The following DPP10 variants were observed in gnomAD, a reference collection of about 807,000 sequenced individuals.
DPP10 encodes inactive dipeptidyl peptidase 10.
A neutral mutation model predicts 120.9 loss-of-function variants in DPP10; 33 were observed. That is an observed-to-expected ratio of 0.27 (90% CI 0.21 to 0.37). The LOEUF (loss-of-function observed/expected upper bound fraction) is 0.37, where lower values mean the gene tolerates loss of function less well. Ranked by LOEUF, DPP10 falls within the 10% of genes least tolerant of loss-of-function variation. DPP10 has a pLI of 1.00. For missense variants in DPP10, 816 were observed against 942.8 expected (o/e 0.87, Z 1.76); for synonymous variants, 337 against 326.1 (o/e 1.03, Z -0.36).
intron 1 of DPP10, among the ~76,000 whole-genome samples, chr2:114,965,978 AAAAAAAAAAG>A (rs1698997610): frequency 5.3e-4 from 79 of 148,956 alleles, no homozygotes; most frequent in African/African-American, 1.8e-3. Context: ...AAAAAAAAAA[AAAAAAAAAAG>A]AAAAAAAAAG....
chr2:115,421,074 G>A (rs1169366246), intron 3 of DPP10, among the ~76,000 whole-genome samples: 2 of 151,748 alleles, frequency 1.3e-5, no homozygotes, highest in East Asian at 3.9e-4. Flanking sequence ...ACCCTGTAGT[G>A]TAGTGGCCCT....
intron 5 of DPP10, among the ~76,000 whole-genome samples, chr2:115,596,131 A>G (rs2082973237): frequency 2.0e-5 from 3 of 152,204 alleles, no homozygotes; most frequent in African/African-American, 7.2e-5. Flanking sequence ...CTAGAATCTA[A>G]TAGTTGTAAA....
intron 19 of DPP10, among the ~76,000 whole-genome samples, chr2:115,798,651 A>T (rs2149953887): frequency 6.6e-6 from 1 of 152,200 alleles, no homozygotes; most frequent in Non-Finnish European, 1.5e-5. Flanking sequence ...CCCTACTAAA[A>T]ATTACAGGGC....
chr2:114,829,765 T>C (rs1020374930), intron 1 of DPP10, among the ~76,000 whole-genome samples: 1 of 152,166 alleles, frequency 6.6e-6, no homozygotes, highest in African/African-American at 2.4e-5. Flanking sequence ...CCATTATTAC[T>C]ATTTTTTCAA....
In DPP10 at chr2:115,034,091, T is replaced by G. The variant is rs140493665; in HGVS notation, c.61-275148T>G. On this transcript the variant is annotated intron_variant, in intron 1 of 25. Coordinates refer to ENST00000410059, the MANE Select transcript of DPP10 (RefSeq NM_020868.6). ...TTTTGTATTTTAATAGAGACGGGGT[T>G]TCACCATGTTGGCCAGGATGGTCTT... Among the ~76,000 whole-genome samples, 638 of 151,700 alleles carry G rather than the reference T, an allele frequency of 4.2e-3. 2 individuals carry two copies. Among genetic ancestry groups the G allele is most frequent in the African/African-American group, 0.015 (617 of 41,368 alleles).
chr2:114,996,277 A>G (rs1176117910), intron 1 of DPP10, among the ~76,000 whole-genome samples: 1 of 152,154 alleles, frequency 6.6e-6, no homozygotes, highest in East Asian at 1.9e-4. Context: ...ATATTCTTTG[A>G]TCTCTCTACC....
chr2:115,612,372 A>C (rs1210211631), intron 5 of DPP10, among the ~76,000 whole-genome samples: 1 of 152,184 alleles, frequency 6.6e-6, no homozygotes, highest in Non-Finnish European at 1.5e-5. Context: ...TAATGTGATC[A>C]TTACCCTTGT....
At chr2:114,451,094 A>G (rs1442215328) in intron 1 of DPP10, among the ~76,000 whole-genome samples, 1 of 150,146 alleles carries the variant, frequency 6.7e-6, no homozygotes, top group Non-Finnish European at 1.5e-5. Flanking sequence ...CCTTTATTTG[A>G]TTTTTTTTTT....
chr2:114,975,347 G>A (rs1160653300), intron 1 of DPP10, among the ~76,000 whole-genome samples: 1 of 151,994 alleles, frequency 6.6e-6, no homozygotes, highest in African/African-American at 2.4e-5. Flanking sequence ...CCTGGCTGAA[G>A]GATTTGCAAT....
intron 5 of DPP10, among the ~76,000 whole-genome samples, chr2:115,529,233 G>A (rs527246647): frequency 2.0e-5 from 3 of 151,846 alleles, no homozygotes; most frequent in Admixed American, 6.6e-5. Context: ...TACAATGCAC[G>A]ATCTCTGCTC....
At chr2:115,341,958 C>CA (rs904263691) in intron 2 of DPP10, among the ~76,000 whole-genome samples, 1 of 152,116 alleles carries the variant, frequency 6.6e-6, no homozygotes, top group Non-Finnish European at 1.5e-5. Context: ...TGGGTAAATA[C>CA]AAAGGAGCCT....
At chr2:115,415,254 C>A (rs1304800835) in intron 3 of DPP10, among the ~76,000 whole-genome samples, 1 of 152,090 alleles carries the variant, frequency 6.6e-6, no homozygotes, top group East Asian at 1.9e-4. Flanking sequence ...TGGCCAGTTT[C>A]ATTGTTTATG....
intron 1 of DPP10, among the ~76,000 whole-genome samples, chr2:114,922,564 G>A (rs1442226716): frequency 1.3e-5 from 2 of 152,122 alleles, no homozygotes; most frequent in East Asian, 1.9e-4. Context: ...CACCCGCCTC[G>A]GTCTCCCAAA....
chr2:115,728,103 G>T (rs2092809990), intron 8 of DPP10, among the ~76,000 whole-genome samples, 167 bp downstream of exon 8: 1 of 151,900 alleles, frequency 6.6e-6, no homozygotes, highest in Non-Finnish European at 1.5e-5. Context: ...CTTATATTTT[G>T]TGTGGTTGAG....
intron 3 of DPP10, chr2:115,468,322 C>A: frequency 1.9e-6 from 1 of 513,958 alleles, no homozygotes; most frequent in Non-Finnish European, 3.9e-6. Flanking sequence ...CCAAAGTTTG[C>A]TGCTGCCACT....
At chr2:114,916,481 C>A (rs1694811708) in intron 1 of DPP10, among the ~76,000 whole-genome samples, 1 of 152,184 alleles carries the variant, frequency 6.6e-6, no homozygotes, top group South Asian at 2.1e-4. Context: ...ATGAGGCCAG[C>A]ATTGTTTTGG....
intron 19 of DPP10, among the ~76,000 whole-genome samples, chr2:115,799,984 G>C (rs1684996542): frequency 1.3e-5 from 2 of 151,602 alleles, no homozygotes; most frequent in South Asian, 4.2e-4. Context: ...GGTATTTCTA[G>C]TTCTAGATCC....
At chr2:114,926,742 C>T (rs951635486) in intron 1 of DPP10, among the ~76,000 whole-genome samples, 1 of 152,136 alleles carries the variant, frequency 6.6e-6, no homozygotes, top group Non-Finnish European at 1.5e-5. Context: ...CCTTGAACAG[C>T]CAGGTCAAAT....
intron 1 of DPP10, among the ~76,000 whole-genome samples, chr2:114,496,906 G>C (rs1245464355): frequency 1.3e-5 from 2 of 151,768 alleles, no homozygotes; most frequent in Non-Finnish European, 2.9e-5. Flanking sequence ...CCTCTAATAG[G>C]TTAATTACAG....
Sources: allele counts gnomAD v4.1 joint callset (sites outside exome capture counted in the v4.1 genomes callset), GRCh38; gene constraint gnomAD v4.1.1; transcripts MANE v1.5; gene names NCBI Gene and HGNC (gene_info 2026-07-23, HGNC 2026-07-21).